The following CSGALNACT2 variants were observed in gnomAD, a reference collection of about 807,000 sequenced individuals.
CSGALNACT2 encodes chondroitin sulfate N-acetylgalactosaminyltransferase 2.
A neutral mutation model predicts 55.3 loss-of-function variants in CSGALNACT2; 35 were observed. The observed-to-expected ratio is 0.63, with a 90% CI of 0.48 to 0.84. The LOEUF (loss-of-function observed/expected upper bound fraction) is 0.84, where lower values mean the gene tolerates loss of function less well. Ranked by LOEUF, CSGALNACT2 falls within the 40% of genes least tolerant of loss-of-function variation. The pLI is 0.00. For synonymous variants in CSGALNACT2, 196 were observed against 224.9 expected (o/e 0.87, Z 1.15); for missense variants, 544 against 657.5 (o/e 0.83, Z 1.89).
At chr10:43,173,290 G>A (rs1214346180) in intron 6 of CSGALNACT2, among the ~76,000 whole-genome samples, 1 of 152,224 alleles carries the variant, frequency 6.6e-6, no homozygotes, top group African/African-American at 2.4e-5. Flanking sequence ...TGGAGCCATA[G>A]TAGCCATGTG....
intron 7 of CSGALNACT2, among the ~76,000 whole-genome samples, chr10:43,176,515 G>A (rs979517951): frequency 1.1e-4 from 16 of 152,108 alleles, no homozygotes; most frequent in African/African-American, 3.6e-4. Flanking sequence ...TCTTTCTAGC[G>A]CGTCTTGGAA....
In CSGALNACT2 at chr10:43,155,479, G is replaced by T; in HGVS notation, c.330G>T (p.Gln110His). ...TAGGGGCTAATGGCATAGGCTATCAGAGCAACAAAGAGCAAGCACCTAGTG... is the reference window on the plus strand; with the variant it reads ...TAGGGGCTAATGGCATAGGCTATCATAGCAACAAAGAGCAAGCACCTAGTG... ...RNVGANGIGY[Q>H]SNKEQAPSDL... Residue 110 changes from glutamine (Q) to histidine (H), a missense_variant, in exon 2 of 8, where the codon CAG becomes CAT. Physicochemically the swap from Gln to His is conservative, Grantham distance 24. Transcript: ENST00000374466. 2 of 1,614,214 alleles carry T rather than the reference G, an allele frequency of 1.2e-6. No individual in the cohort carries two copies. The highest frequency in any genetic ancestry group is 1.7e-6 in the Non-Finnish European group (2 of 1,180,044).
At chr10:43,141,221 A>ATT (rs772008206) in intron 1 of CSGALNACT2, among the ~76,000 whole-genome samples, 1 of 145,204 alleles carries the variant, frequency 6.9e-6, no homozygotes, top group African/African-American at 2.5e-5. Context: ...TCTACAAATA[A>ATT]TTTTTTTTTT....
rs1839635898 is a variant in CSGALNACT2, at chr10:43,183,608, T to C, written c.*66T>C. 2 of 1,325,720 alleles carry C rather than the reference T, an allele frequency of 1.5e-6. No homozygotes were observed. The allele number at this position is 1,325,720 out of a possible 1,614,324, so 82.1% of individuals were successfully genotyped here. ...ACTATTTATTTAGCCTTACTTCTACTTCCAGATGCAGTGCCTCTTTTGGAG... is the reference window on the plus strand; with the variant it reads ...ACTATTTATTTAGCCTTACTTCTACCTCCAGATGCAGTGCCTCTTTTGGAG... On this transcript the variant is annotated 3_prime_UTR_variant, in exon 8 of 8. Coordinates refer to ENST00000374466, the MANE Select transcript of CSGALNACT2 (RefSeq NM_018590.5).
chr10:43,164,073 CTA>C lies in CSGALNACT2; in HGVS notation c.1159+32_1159+33del, dbSNP rs760795104. On this transcript the variant is annotated intron_variant, in intron 5 of 7. Transcript: ENST00000374466. The stretch of plus-strand genomic sequence containing the variant: ...CGTAAAATGTTGGTAGATGAGCTGA[CTA>C]TAGAATTTAGAACGTTGTCAGCATG... 7.6e-6 allele frequency: 12 copies of C among 1,583,950 alleles called. No homozygotes were observed. In the African/African-American group the frequency reaches 1.5e-4, roughly 20 times the overall value.
At chr10:43,164,177 A>C in intron 5 of CSGALNACT2, 133 bp downstream of exon 5, 2 of 670,382 alleles carry the variant, frequency 3.0e-6, no homozygotes, top group Non-Finnish European at 4.8e-6. Flanking sequence ...TATATTAGGC[A>C]TAATTTAACT....
At chr10:43,163,327 C>T (rs941697059) in intron 4 of CSGALNACT2, 1 of 728,992 alleles carries the variant, frequency 1.4e-6, no homozygotes, top group African/African-American at 1.9e-5. Flanking sequence ...AACAAAATCC[C>T]TGCTCCCACA....
chr10:43,156,472 C>T (rs1256926957), intron 2 of CSGALNACT2, among the ~76,000 whole-genome samples: 1 of 152,230 alleles, frequency 6.6e-6, no homozygotes, highest in Non-Finnish European at 1.5e-5. Context: ...ATCTCCTTTA[C>T]ACTCACTGCT....
intron 5 of CSGALNACT2, among the ~76,000 whole-genome samples, chr10:43,165,805 C>T (rs1204702433): frequency 8.5e-5 from 13 of 152,144 alleles, no homozygotes; most frequent in South Asian, 2.1e-4. Context: ...GCCTGGCCAA[C>T]ATGGTGAAAC....
Position 43,155,605 on chromosome 10 carries a change from C to G in CSGALNACT2, c.456C>G (p.Thr152=). 1 of 1,614,066 alleles carries G rather than the reference C, an allele frequency of 6.2e-7. No homozygotes were observed. The highest frequency in any genetic ancestry group is 8.5e-7 in the Non-Finnish European group (1 of 1,180,014). Reference sequence around the variant, plus strand: ...GGGTCATTCCCTTTGAAAGTTTTACCTTAATGAAAGTATTTCAATTGGAAA... The same window carrying G: ...GGGTCATTCCCTTTGAAAGTTTTACGTTAATGAAAGTATTTCAATTGGAAA... ...EYGVIPFESF[T]LMKVFQLEMG... Residue 152 remains threonine (T), a synonymous_variant, in exon 2 of 8, where the codon ACC becomes ACG. Coordinates refer to ENST00000374466, the MANE Select transcript of CSGALNACT2 (RefSeq NM_018590.5).
chr10:43,173,065 G>A (rs527772137), intron 6 of CSGALNACT2, among the ~76,000 whole-genome samples: 2 of 152,346 alleles, frequency 1.3e-5, no homozygotes, highest in South Asian at 2.1e-4. Flanking sequence ...AGCCTTTGGA[G>A]GGAGAATGGA....
At chr10:43,180,516 C>T (rs1044758846) in intron 7 of CSGALNACT2, among the ~76,000 whole-genome samples, 1 of 152,152 alleles carries the variant, frequency 6.6e-6, no homozygotes, top group African/African-American at 2.4e-5. Flanking sequence ...TCTGCTCTTT[C>T]CATTAGAGCC....
chr10:43,153,806 A>G (rs973393951), intron 1 of CSGALNACT2, among the ~76,000 whole-genome samples: 1 of 152,214 alleles, frequency 6.6e-6, no homozygotes, highest in African/African-American at 2.4e-5. Flanking sequence ...TGTGGCATGA[A>G]CGATAGCATG....
intron 2 of CSGALNACT2, among the ~76,000 whole-genome samples, chr10:43,156,252 C>G (rs992424444): frequency 2.0e-5 from 3 of 152,108 alleles, no homozygotes; most frequent in African/African-American, 7.2e-5. Context: ...GAAGGAGAAG[C>G]TCATGTCTGA....
At chr10:43,161,289 A>G (rs1444110830) in intron 4 of CSGALNACT2, among the ~76,000 whole-genome samples, 1 of 152,192 alleles carries the variant, frequency 6.6e-6, no homozygotes, top group East Asian at 1.9e-4. Flanking sequence ...CAACCTAACC[A>G]GTATTTCTGT....
intron 5 of CSGALNACT2, among the ~76,000 whole-genome samples, chr10:43,165,543 A>C (rs1839246809): frequency 6.6e-6 from 1 of 152,192 alleles, no homozygotes; most frequent in Non-Finnish European, 1.5e-5. Context: ...CTCACACCTT[A>C]ATCCCAGCAC....
intron 6 of CSGALNACT2, 38 bp from the exon 7 acceptor site, chr10:43,175,913 G>T: frequency 6.6e-7 from 1 of 1,509,436 alleles, no homozygotes; most frequent in South Asian, 1.2e-5. Context: ...GCTTCTTATG[G>T]AATTAAATTG....
At chr10:43,171,196 G>A (rs1015897666) in intron 6 of CSGALNACT2, among the ~76,000 whole-genome samples, 14 of 152,148 alleles carry the variant, frequency 9.2e-5, no homozygotes, top group Non-Finnish European at 1.5e-5. Context: ...AAAACTGGAT[G>A]AGGGGTATAC....
chr10:43,179,979 G>A (rs371494394), intron 7 of CSGALNACT2, among the ~76,000 whole-genome samples: 7 of 152,260 alleles, frequency 4.6e-5, no homozygotes, highest in African/African-American at 1.7e-4. Flanking sequence ...CCTCTCCCCC[G>A]GGGGAAAAAA....
Sources: gnomAD v4.1 joint callset for allele counts (sites outside exome capture counted in the v4.1 genomes callset) on GRCh38, gnomAD v4.1.1 for gene constraint, MANE v1.5 for transcripts, NCBI Gene and HGNC (gene_info 2026-07-23, HGNC 2026-07-21) for gene names.